SMARCAD1: variants seen among roughly 807,000 people sequenced by gnomAD.
SMARCAD1 encodes SNF2 related chromatin remodeling ATPase with DExD box 1, also known as SWI/SNF-related matrix-associated actin-dependent regulator of chromatin subfamily A containing DEAD/H box 1.
Under a neutral mutation model 127.1 loss-of-function variants are expected in SMARCAD1, and 25 were observed. The ratio of observed to expected loss-of-function variants is 0.20; its 90% confidence interval spans 0.14 to 0.27. The LOEUF is 0.27. Ranked by LOEUF, SMARCAD1 falls within the 10% of genes least tolerant of loss-of-function variation. The pLI is 1.00. For missense variants in SMARCAD1, 807 were observed against 1,206.0 expected, an observed-to-expected ratio of 0.67 and a Z score of 4.90; for synonymous variants, 400 against 396.9, an observed-to-expected ratio of 1.01 and a Z score of -0.09.
chr4:94,237,930 T>C (rs1746951379), intron 5 of SMARCAD1, among the ~76,000 whole-genome samples: 2 of 152,178 alleles, frequency 1.3e-5, no homozygotes, highest in African/African-American at 4.8e-5. Context: ...AATTTTAATA[T>C]GTATTTCCAT....
chr4:94,227,477 G>T (rs1215055751), intron 3 of SMARCAD1, among the ~76,000 whole-genome samples: 1 of 152,208 alleles, frequency 6.6e-6, no homozygotes, highest in Non-Finnish European at 1.5e-5. Context: ...GCTAGTGCCT[G>T]TGGGAGGGAT....
intron 2 of SMARCAD1, among the ~76,000 whole-genome samples, chr4:94,213,486 G>T (rs539214053): frequency 1.3e-5 from 2 of 152,220 alleles, no homozygotes; most frequent in South Asian, 4.1e-4. Flanking sequence ...AAACCATTGG[G>T]TTGTGAGGGG....
chr4:94,214,247 A>C (rs1449515781), intron 2 of SMARCAD1, among the ~76,000 whole-genome samples: 1 of 149,162 alleles, frequency 6.7e-6, no homozygotes, highest in African/African-American at 2.5e-5. Flanking sequence ...AGGATTATTG[A>C]AAATTGAGCG....
rs115872884 is a variant in SMARCAD1, at chr4:94,259,671, C to T, written c.1282-5036C>T. ...CTTGTACTCCCCTTCATTGCCTCCC[C>T]CATTTTGTTATTACAAGAAATTTAA... On this transcript the variant is annotated intron_variant, in intron 9 of 23. Coordinates refer to ENST00000354268, the MANE Select transcript of SMARCAD1 (RefSeq NM_020159.5). Among the ~76,000 whole-genome samples, 441 of 152,262 alleles carry T rather than the reference C, an allele frequency of 2.9e-3. 2 individuals are homozygous for T. The highest frequency in any genetic ancestry group is 0.01 in the African/African-American group (419 of 41,542).
intron 22 of SMARCAD1, among the ~76,000 whole-genome samples, chr4:94,283,724 C>T (rs1055043304): frequency 1.6e-4 from 24 of 152,000 alleles, no homozygotes; most frequent in African/African-American, 5.5e-4. Flanking sequence ...ACTAGGGAGG[C>T]TGAGGCAGGA....
chr4:94,258,454 C>T (rs985824079), intron 9 of SMARCAD1, among the ~76,000 whole-genome samples: 4 of 152,084 alleles, frequency 2.6e-5, no homozygotes, highest in South Asian at 4.2e-4. Flanking sequence ...ATTTTAGACA[C>T]CTCTGGTAAT....
rs1435546652 is a variant in SMARCAD1, at chr4:94,273,641, A to G, written c.1597A>G (p.Ile533Val). ...EMGLGKTIQA[I>V]AFLAYLYQEG... is the part of the protein sequence containing the mutation. ...GGGCCTAGGAAAAACTATTCAAGCC[A>G]TTGCATTTCTGGCATACCTCTATCA... The change falls in exon 12 of 24, where the codon ATT becomes GTT. Residue 533 changes from isoleucine to valine, a missense_variant. Ile to Val is a conservative substitution (Grantham distance 29). Transcript: ENST00000354268. 5.0e-6 allele frequency: 8 copies of G among 1,613,874 alleles called. No individual in the cohort carries two copies. Among genetic ancestry groups the G allele is most frequent in the Non-Finnish European group, 5.9e-6 (7 of 1,179,880 alleles).
intron 10 of SMARCAD1, among the ~76,000 whole-genome samples, chr4:94,269,927 C>G (rs1044374211): frequency 1.3e-5 from 2 of 152,018 alleles, no homozygotes; most frequent in Non-Finnish European, 2.9e-5. Flanking sequence ...CCCAGCACAG[C>G]CTTGCAAAGT....
intron 5 of SMARCAD1, 51 bp from the exon 6 acceptor site, chr4:94,240,855 A>G (rs1560531129): frequency 7.2e-7 from 1 of 1,384,734 alleles, no homozygotes; most frequent in East Asian, 2.3e-5. Flanking sequence ...CATTAAATTG[A>G]TTTTTTGCTA....
chr4:94,284,122 C>T (rs1395110249), intron 22 of SMARCAD1, among the ~76,000 whole-genome samples: 3 of 151,152 alleles, frequency 2.0e-5, no homozygotes, highest in Non-Finnish European at 4.4e-5. Flanking sequence ...GAGATCAAGG[C>T]CATTCTGGCT....
intron 4 of SMARCAD1, among the ~76,000 whole-genome samples, chr4:94,234,703 A>G (rs533661580): frequency 4.4e-4 from 67 of 152,332 alleles, no homozygotes; most frequent in Non-Finnish European, 5.0e-4. Flanking sequence ...CTGAAGATTA[A>G]TAAACAGTCT....
intron 6 of SMARCAD1, among the ~76,000 whole-genome samples, chr4:94,241,979 C>G (rs978343176): frequency 6.6e-6 from 1 of 152,138 alleles, no homozygotes; most frequent in African/African-American, 2.4e-5. Flanking sequence ...CTTGGCTGAA[C>G]ATTCACACAA....
At chr4:94,263,774 A>G (rs1751356045) in intron 9 of SMARCAD1, among the ~76,000 whole-genome samples, 3 of 151,834 alleles carry the variant, frequency 2.0e-5, no homozygotes, top group African/African-American at 7.2e-5. Context: ...TTCCTAATAG[A>G]TGGTTTTATT....
chr4:94,282,608 A>G (rs541827246), intron 21 of SMARCAD1, among the ~76,000 whole-genome samples: 2 of 152,096 alleles, frequency 1.3e-5, no homozygotes, highest in South Asian at 4.2e-4. Flanking sequence ...ATTGTGTAGT[A>G]TGTTTAAATT....
At chr4:94,277,739 C>T (rs116616446) in intron 16 of SMARCAD1, among the ~76,000 whole-genome samples, 1 of 152,186 alleles carries the variant, frequency 6.6e-6, no homozygotes, top group Admixed American at 6.5e-5. Context: ...TGGCTCTCTT[C>T]CACATCACTA....
intron 11 of SMARCAD1, among the ~76,000 whole-genome samples, chr4:94,272,269 T>C (rs1035774468): frequency 6.6e-6 from 1 of 152,186 alleles, no homozygotes; most frequent in African/African-American, 2.4e-5. Context: ...AGGTTACGAC[T>C]CCAACGTATG....
chr4:94,224,053 C>T (rs1744615571), intron 2 of SMARCAD1, among the ~76,000 whole-genome samples: 2 of 152,020 alleles, frequency 1.3e-5, no homozygotes, highest in African/African-American at 4.8e-5. Flanking sequence ...GTCTAAAGTA[C>T]CTCTATACTT....
At chr4:94,278,801 A>C in intron 18 of SMARCAD1, 68 bp downstream of exon 18, 2 of 1,597,972 alleles carry the variant, frequency 1.3e-6, no homozygotes, top group Non-Finnish European at 1.7e-6. Context: ...TTGTTTAGTC[A>C]TATAATGGGA....
intron 3 of SMARCAD1, 74 bp downstream of exon 3, chr4:94,226,370 G>C: frequency 8.2e-6 from 9 of 1,103,562 alleles, no homozygotes; most frequent in South Asian, 3.0e-5. Flanking sequence ...CCTAATTTGA[G>C]ATATTTTGGT....
Sources: gnomAD v4.1 joint callset for allele counts (sites outside exome capture counted in the v4.1 genomes callset) on GRCh38, gnomAD v4.1.1 for gene constraint, MANE v1.5 for transcripts, NCBI Gene and HGNC (gene_info 2026-07-23, HGNC 2026-07-21) for gene names.